Variants in WASL observed in about 807,000 individuals in gnomAD.
WASL encodes the protein actin nucleation-promoting factor WASL.
WASL carries 20 observed loss-of-function variants against 55.5 expected under a neutral mutation model. The ratio of observed to expected loss-of-function variants is 0.36; its 90% CI spans 0.25 to 0.52. WASL has a LOEUF of 0.52. Ranked by LOEUF, WASL falls within the 20% of genes least tolerant of loss-of-function variation. The probability of loss-of-function intolerance (pLI) is 0.92; values close to 1 mark genes in which losing one functional copy is unlikely to be tolerated. For synonymous variants in WASL, 249 were observed against 217.6 expected, an observed-to-expected ratio of 1.14 and a Z score of -1.27; for missense variants, 504 against 622.5, an observed-to-expected ratio of 0.81 and a Z score of 2.03.
At chr7:123,737,590 G>C (rs1166807557) in intron 1 of WASL, among the ~76,000 whole-genome samples, 2 of 76,314 alleles carry the variant, frequency 2.6e-5, no homozygotes, top group Admixed American at 1.7e-4. Context: ...GCAAGACTCC[G>C]TCTCCCAAAA....
At chr7:123,721,858 G>A (rs1189659029) in intron 1 of WASL, among the ~76,000 whole-genome samples, 1 of 148,684 alleles carries the variant, frequency 6.7e-6, no homozygotes, top group Non-Finnish European at 1.5e-5. Context: ...GACAGAGGCT[G>A]CAGTGAGCTG....
chr7:123,708,972 T>C, intron 2 of WASL, 117 bp downstream of exon 2: 5 of 984,458 alleles, frequency 5.1e-6, no homozygotes, highest in Non-Finnish European at 5.5e-6. Flanking sequence ...ACTCTTCTAA[T>C]ATTAGTTTAT....
At chr7:123,694,629 C>A in intron 8 of WASL, 86 bp downstream of exon 8, 1 of 1,405,764 alleles carries the variant, frequency 7.1e-7, no homozygotes, top group Non-Finnish European at 9.8e-7. Context: ...AGGAAGGGTT[C>A]ACATGTATGA....
chr7:123,687,585 T>C (rs1803313879), intron 10 of WASL, among the ~76,000 whole-genome samples: 1 of 152,170 alleles, frequency 6.6e-6, no homozygotes, highest in African/African-American at 2.4e-5. Flanking sequence ...TCCTTTATCA[T>C]TTCAAAATGA....
chr7:123,698,351 GAAAAA>G (rs34132314), intron 5 of WASL, among the ~76,000 whole-genome samples: 5 of 136,128 alleles, frequency 3.7e-5, no homozygotes, highest in East Asian at 2.1e-4. Flanking sequence ...AAAATTATCT[GAAAAA>G]AAAAAAAAGT....
chr7:123,738,598 T>C (rs1445725275), intron 1 of WASL, among the ~76,000 whole-genome samples: 2 of 152,314 alleles, frequency 1.3e-5, no homozygotes, highest in Middle Eastern at 3.4e-3. Flanking sequence ...TATCTAGCCT[T>C]GGAATGACAA....
chr7:123,698,087 G>A (rs1206342821), intron 5 of WASL, among the ~76,000 whole-genome samples: 1 of 151,460 alleles, frequency 6.6e-6, no homozygotes, highest in Non-Finnish European at 1.5e-5. Context: ...TTCATCCCAT[G>A]TGTCTTTCCC....
At chr7:123,688,957 C>T in intron 10 of WASL, 85 bp downstream of exon 10, 1 of 1,165,334 alleles carries the variant, frequency 8.6e-7, no homozygotes, top group Non-Finnish European at 1.3e-6. Context: ...ATAAAAATAA[C>T]AGAACGTCAA....
chr7:123,704,369 A>G (rs1274034745), intron 5 of WASL, among the ~76,000 whole-genome samples: 1 of 152,194 alleles, frequency 6.6e-6, no homozygotes, highest in Non-Finnish European at 1.5e-5. Context: ...TCTTCACCCT[A>G]TGTATTCTTT....
At chr7:123,718,609 G>T (rs977323729) in intron 1 of WASL, among the ~76,000 whole-genome samples, 1 of 152,006 alleles carries the variant, frequency 6.6e-6, no homozygotes, top group African/African-American at 2.4e-5. Flanking sequence ...GGTCTAGGCT[G>T]GTCTCCAACT....
chr7:123,700,754 A>C (rs1803576030), intron 5 of WASL, among the ~76,000 whole-genome samples: 1 of 152,100 alleles, frequency 6.6e-6, no homozygotes, highest in Non-Finnish European at 1.5e-5. Context: ...TCTACCTCTT[A>C]TACCTCTTAC....
At chr7:123,717,807 G>T (rs1803870611) in intron 1 of WASL, among the ~76,000 whole-genome samples, 1 of 152,118 alleles carries the variant, frequency 6.6e-6, no homozygotes, top group African/African-American at 2.4e-5. Flanking sequence ...TAAAAAGCCA[G>T]ATATTTAATA....
At chr7:123,704,999 T>C (rs145897621) in intron 4 of WASL, among the ~76,000 whole-genome samples, 28 of 152,266 alleles carry the variant, frequency 1.8e-4, no homozygotes, top group African/African-American at 5.8e-4. Flanking sequence ...GTGTATATGA[T>C]AGGAAGCTCT....
Position 123,692,406 on chromosome 7 carries a change from A to G in WASL, c.1288T>C (p.Ser430Pro). Residue 430 changes from serine to proline, a missense_variant, in exon 9 of 11, where the codon TCC (serine) becomes CCC (proline). By Grantham distance (74) the Ser-to-Pro change is moderately conservative. This residue lies in a region of WASL where 201 missense variants were observed against 206.2 expected (regional missense o/e 0.97). Coordinates refer to ENST00000223023, the MANE Select transcript of WASL (RefSeq NM_003941.4). ...AACAGTGCATCTCGTCCAGAGCAGG[A>G]CACTGGCCGACTGTTCTGCTCCACT... ...KKVEQNSRPV[S>P]CSGRDALLDQ... The G allele has an allele frequency of 1.2e-6, 2 of 1,613,812 alleles. No individual in the cohort carries two copies. The highest frequency in any genetic ancestry group is 1.7e-6 in the Non-Finnish European group (2 of 1,180,008).
rs1415878708 is a variant in WASL, at chr7:123,684,136, TTAAG to T, written c.*379_*382del. On this transcript the variant is annotated 3_prime_UTR_variant, in exon 11 of 11. Transcript: ENST00000223023. The stretch of plus-strand genomic sequence containing the variant: ...ATGTAGTGCTATACTAGATTTTTTT[TTAAG>T]AAAATTTAGGTACAGAAAAAGTAGG... The T allele has an allele frequency of 6.6e-6, 1 of 152,190 alleles. No homozygotes were observed. The highest frequency in any genetic ancestry group is 1.5e-5 in the Non-Finnish European group (1 of 68,066). The allele number at this position is 152,190 out of a possible 1,614,324, so 9.4% of individuals were successfully genotyped here.
chr7:123,695,297 T>C (rs1180925264), intron 7 of WASL, among the ~76,000 whole-genome samples: 4 of 152,268 alleles, frequency 2.6e-5, no homozygotes, highest in African/African-American at 9.6e-5. Flanking sequence ...TGAGTTAACA[T>C]TGTAGCTATA....
At chr7:123,692,315 A>T in intron 9 of WASL, 32 bp downstream of exon 9, 1 of 1,579,744 alleles carries the variant, frequency 6.3e-7, no homozygotes. Flanking sequence ...ATGATAAAGG[A>T]TCTAAAATGA....
At chr7:123,719,104 C>T (rs930471144) in intron 1 of WASL, among the ~76,000 whole-genome samples, 4 of 152,204 alleles carry the variant, frequency 2.6e-5, no homozygotes, top group Admixed American at 1.3e-4. Flanking sequence ...TTATTTTGAT[C>T]ATTCCTCATC....
At chr7:123,744,462 T>C (rs566627972) in intron 1 of WASL, among the ~76,000 whole-genome samples, 1 of 152,278 alleles carries the variant, frequency 6.6e-6, no homozygotes, top group South Asian at 2.1e-4. Context: ...CCAAGAATTA[T>C]ATATAGTGAG....
Sources: allele counts gnomAD v4.1 joint callset (sites outside exome capture counted in the v4.1 genomes callset), GRCh38; gene constraint gnomAD v4.1.1; regional missense constraint gnomAD v4.1.1; transcripts MANE v1.5; gene names NCBI Gene and HGNC (gene_info 2026-07-23, HGNC 2026-07-21).